The following PLD1 variants were observed in gnomAD, a reference collection of about 807,000 sequenced individuals.
The protein encoded by PLD1 is phospholipase D1.
PLD1 carries 112 observed loss-of-function variants against 137.1 expected under a neutral mutation model. The observed-to-expected ratio is 0.82, with a 90% CI of 0.70 to 0.96. PLD1 has a LOEUF of 0.96. Ranked by LOEUF, PLD1 falls within the 40% of genes least tolerant of loss-of-function variation. PLD1 has a pLI of 0.00. For synonymous variants in PLD1, 431 were observed against 454.7 expected (o/e 0.95, Z 0.66); for missense variants, 1,321 against 1,342.0 (o/e 0.98, Z 0.24).
intron 21 of PLD1, among the ~76,000 whole-genome samples, chr3:171,656,156 T>TTTATTTATTTA (rs1737174560): frequency 2.1e-5 from 3 of 145,360 alleles, no homozygotes; most frequent in Non-Finnish European, 3.0e-5. Flanking sequence ...AATACTATAA[T>TTTATTTATTTA]TTTATTTATT....
chr3:171,699,752 CG>C lies in PLD1; in HGVS notation c.1219del (p.Arg407GlufsTer7). The C allele has an allele frequency of 6.2e-7, 1 of 1,609,474 alleles. No homozygotes were observed. The highest frequency in any genetic ancestry group is 8.5e-7 in the Non-Finnish European group (1 of 1,175,920). On this transcript the variant is annotated frameshift_variant, in exon 12 of 27. Transcript: ENST00000351298. LOFTEE classifies it high-confidence loss of function. ...TTCTGGGAAAGTACATACTGCTTTT[CG>C]TTTAAGAATGCAGTCCAACCTCCAA... is the stretch of plus-strand genomic sequence containing the variant. The part of the protein sequence containing the change: ...NRWRLDCILK[R>X]KAQQGVRIFI...
At chr3:171,667,272 G>A (rs145532542) in intron 19 of PLD1, among the ~76,000 whole-genome samples, 60 of 152,288 alleles carry the variant, frequency 3.9e-4, no homozygotes, top group African/African-American at 1.3e-3. Flanking sequence ...CTTCCAGACT[G>A]TACTGAGAAC....
intron 23 of PLD1, among the ~76,000 whole-genome samples, chr3:171,637,150 T>C (rs944623538): frequency 6.6e-6 from 1 of 152,210 alleles, no homozygotes; most frequent in African/African-American, 2.4e-5. Flanking sequence ...ATAATCCTTT[T>C]TATATTGTTG....
intron 1 of PLD1, among the ~76,000 whole-genome samples, chr3:171,756,895 G>A (rs1045604513): frequency 2.6e-5 from 4 of 152,134 alleles, no homozygotes; most frequent in African/African-American, 4.8e-5. Flanking sequence ...CACTTTCAGT[G>A]GGTGAATTTC....
chr3:171,639,602 T>TG (rs1247910005), intron 23 of PLD1, among the ~76,000 whole-genome samples: 5 of 86,320 alleles, frequency 5.8e-5, no homozygotes, highest in East Asian at 2.8e-4. Context: ...TATATTCATA[T>TG]AATATATATT....
intron 4 of PLD1, 110 bp from the exon 5 acceptor site, chr3:171,735,080 A>G (rs1719250355): frequency 3.0e-6 from 2 of 664,440 alleles, no homozygotes; most frequent in East Asian, 5.1e-5. Context: ...TTAATTGAAA[A>G]TATCTACCAA....
chr3:171,779,820 G>C (rs1346760573), intron 1 of PLD1, among the ~76,000 whole-genome samples: 1 of 152,118 alleles, frequency 6.6e-6, no homozygotes. Context: ...TCAGGACTGA[G>C]ATTTGGATAC....
chr3:171,748,653 T>A (rs1392028523), intron 1 of PLD1, among the ~76,000 whole-genome samples: 1 of 151,954 alleles, frequency 6.6e-6, no homozygotes, highest in Non-Finnish European at 1.5e-5. Flanking sequence ...TTTTTGGCCA[T>A]CTATGTAATT....
At chr3:171,607,306 A>G (rs188631891) in intron 25 of PLD1, among the ~76,000 whole-genome samples, 66 of 152,304 alleles carry the variant, frequency 4.3e-4, no homozygotes, top group Non-Finnish European at 8.4e-4. Context: ...TGATGACAGT[A>G]AGTCAATTAT....
intron 1 of PLD1, among the ~76,000 whole-genome samples, chr3:171,779,568 A>C (rs1722710387): frequency 6.6e-6 from 1 of 152,214 alleles, no homozygotes; most frequent in Non-Finnish European, 1.5e-5. Flanking sequence ...AGGACGTTGG[A>C]TACCTAAGTT....
At chr3:171,748,066 T>G (rs997481824) in intron 1 of PLD1, among the ~76,000 whole-genome samples, 4 of 152,182 alleles carry the variant, frequency 2.6e-5, no homozygotes, top group Non-Finnish European at 4.4e-5. Context: ...CTAAGTGACA[T>G]CACCCAGAAG....
intron 19 of PLD1, among the ~76,000 whole-genome samples, chr3:171,664,003 T>C (rs1318305070): frequency 6.6e-6 from 1 of 152,210 alleles, no homozygotes; most frequent in Non-Finnish European, 1.5e-5. Flanking sequence ...TAAAAATCGC[T>C]GACTGTGCCA....
chr3:171,735,063 A>G, intron 4 of PLD1, 93 bp from the exon 5 acceptor site: 1 of 718,114 alleles, frequency 1.4e-6, no homozygotes, highest in Non-Finnish European at 2.5e-6. Flanking sequence ...TATTTTTAAG[A>G]GACTATTTAA....
At chr3:171,808,888 C>T (rs960635413) in intron 1 of PLD1, among the ~76,000 whole-genome samples, 1 of 139,808 alleles carries the variant, frequency 7.2e-6, no homozygotes, top group African/African-American at 2.7e-5. Flanking sequence ...GCAATGGCTC[C>T]ATCTCGGCTC....
chr3:171,636,502 T>C (rs556198821), intron 23 of PLD1, among the ~76,000 whole-genome samples: 1 of 152,150 alleles, frequency 6.6e-6, no homozygotes, highest in African/African-American at 2.4e-5. Flanking sequence ...TTAAATTTAT[T>C]CCTAAATATT....
intron 8 of PLD1, among the ~76,000 whole-genome samples, chr3:171,719,006 G>C (rs959032927): frequency 1.3e-5 from 2 of 152,146 alleles, no homozygotes; most frequent in Non-Finnish European, 2.9e-5. Context: ...AAGCCCACTT[G>C]AGCCAGCCCT....
intron 3 of PLD1, among the ~76,000 whole-genome samples, chr3:171,736,232 T>A (rs1478063318): frequency 1.3e-5 from 2 of 152,190 alleles, no homozygotes; most frequent in African/African-American, 4.8e-5. Flanking sequence ...AGTGTATACT[T>A]GTATAATATA....
intron 23 of PLD1, among the ~76,000 whole-genome samples, chr3:171,639,612 T>TC (rs1735515679): frequency 1.8e-4 from 13 of 71,516 alleles, no homozygotes; most frequent in South Asian, 6.2e-4. Context: ...TAATATATAT[T>TC]ATATATAATA....
chr3:171,704,501 A>G (rs978248266), intron 11 of PLD1, among the ~76,000 whole-genome samples: 1 of 151,840 alleles, frequency 6.6e-6, no homozygotes, highest in Non-Finnish European at 1.5e-5. Context: ...AGAAAAGGGA[A>G]TCAGCAGATG....
Sources: allele counts gnomAD v4.1 joint callset (sites outside exome capture counted in the v4.1 genomes callset), GRCh38; gene constraint gnomAD v4.1.1; transcripts MANE v1.5; gene names NCBI Gene and HGNC (gene_info 2026-07-23, HGNC 2026-07-21).